The following METAP2 variants were observed in gnomAD, a reference collection of about 807,000 sequenced individuals.
METAP2 encodes the protein methionine aminopeptidase 2.
In METAP2, 25 loss-of-function variants were observed where a neutral mutation model predicts 59.4. The ratio of observed to expected loss-of-function variants is 0.42; its 90% CI spans 0.31 to 0.59. The LOEUF is 0.59. Ranked by LOEUF, METAP2 falls within the 20% of genes least tolerant of loss-of-function variation. The pLI, the probability that METAP2 is intolerant of heterozygous loss-of-function variation, is 0.16. For synonymous variants in METAP2, 214 were observed against 194.1 expected (o/e 1.10, Z -0.85); for missense variants, 366 against 581.2 (o/e 0.63, Z 3.81).
At chr12:95,481,205 C>T (rs1000727875) in intron 2 of METAP2, among the ~76,000 whole-genome samples, 5 of 152,060 alleles carry the variant, frequency 3.3e-5, no homozygotes, top group Non-Finnish European at 5.9e-5. Context: ...GGCTGAGATG[C>T]GATTCGAGAC....
chr12:95,480,734 T>C (rs2076152669), intron 2 of METAP2, among the ~76,000 whole-genome samples: 1 of 152,248 alleles, frequency 6.6e-6, no homozygotes, highest in African/African-American at 2.4e-5. Context: ...AATAGTTCAT[T>C]GTATATTCTG....
chr12:95,511,484 C>T (rs557469485), intron 8 of METAP2, among the ~76,000 whole-genome samples: 16 of 148,930 alleles, frequency 1.1e-4, no homozygotes, highest in African/African-American at 3.2e-4. Context: ...CTCCGCTTCC[C>T]GGGTTCAAGT....
Position 95,474,159 on chromosome 12 carries a change from C to T in METAP2, c.-21C>T, listed in dbSNP as rs190910381. 4.5e-3 allele frequency: 7,227 copies of T among 1,612,586 alleles called. 24 individuals carry two copies. Among genetic ancestry groups the T allele is most frequent in the Non-Finnish European group, 4.5e-3 (5,326 of 1,179,342 alleles). On this transcript the variant is annotated 5_prime_UTR_variant, in exon 1 of 11. Transcript: ENST00000323666. ...GGGCCCTCGCCGCTCTGTCTCATTC[C>T]CTCGCGCTCTCTCGGGCAACATGGC...
chr12:95,488,131 C>G (rs529123199), intron 4 of METAP2, among the ~76,000 whole-genome samples: 1 of 152,084 alleles, frequency 6.6e-6, no homozygotes, highest in Non-Finnish European at 1.5e-5. Flanking sequence ...ATCTTTTGAT[C>G]GTAGGCTTTA....
intron 2 of METAP2, among the ~76,000 whole-genome samples, chr12:95,479,754 G>C (rs1594410861): frequency 6.6e-6 from 1 of 151,888 alleles, no homozygotes; most frequent in Non-Finnish European, 1.5e-5. Context: ...GATTACAGGT[G>C]CCCGCCACCA....
chr12:95,483,358 C>A, intron 3 of METAP2, 78 bp downstream of exon 3: 1 of 1,098,098 alleles, frequency 9.1e-7, no homozygotes, highest in Non-Finnish European at 1.4e-6. Flanking sequence ...CACCTGTGAT[C>A]CCAGCTACTC....
rs150352136 is a variant in METAP2 at position 95,495,316 on chromosome 12, A to G, written c.772+178A>G. Among the ~76,000 whole-genome samples the G allele has an allele frequency of 1.2e-3, 181 of 152,242 alleles. 1 individual carries two copies. The highest frequency in any genetic ancestry group is 3.9e-3 in the African/African-American group (161 of 41,560). On this transcript the variant is annotated intron_variant, in intron 6 of 10. Coordinates refer to ENST00000323666, the MANE Select transcript of METAP2 (RefSeq NM_006838.4). Reference sequence around the variant, plus strand: ...ATTTTAGTGCACTTATAGGAGAGAGAGGCAGTTGTGACATTTACTTGAAAG... The same window carrying G: ...ATTTTAGTGCACTTATAGGAGAGAGGGGCAGTTGTGACATTTACTTGAAAG...
At chr12:95,483,520 G>A (rs1320873698) in intron 3 of METAP2, 1 of 371,646 alleles carries the variant, frequency 2.7e-6, no homozygotes, top group African/African-American at 2.1e-5. Flanking sequence ...TCACTGACAG[G>A]TTTGAAGAGT....
intron 4 of METAP2, among the ~76,000 whole-genome samples, chr12:95,490,130 C>T (rs112368401): frequency 0.088 from 13,075 of 147,772 alleles, 812 homozygotes; most frequent in African/African-American, 0.17. Flanking sequence ...GAGACAAGGT[C>T]TCACTCTGTC....
At chr12:95,512,947 C>A in intron 10 of METAP2, 31 bp downstream of exon 10, 1 of 1,257,548 alleles carries the variant, frequency 8.0e-7, no homozygotes, top group South Asian at 1.2e-5. Context: ...TTTTATGTGG[C>A]TAATTAGCAT....
At chr12:95,480,342 G>A (rs1458259344) in intron 2 of METAP2, among the ~76,000 whole-genome samples, 1 of 152,152 alleles carries the variant, frequency 6.6e-6, no homozygotes, top group Non-Finnish European at 1.5e-5. Context: ...ATGAACATTT[G>A]CATATGGGTC....
In METAP2 at chr12:95,504,075, T is replaced by C; in HGVS notation, c.878T>C (p.Ile293Thr). The C allele has an allele frequency of 6.2e-7, 1 of 1,612,902 alleles. No individual in the cohort carries two copies. Among genetic ancestry groups the C allele is most frequent in the Non-Finnish European group, 8.5e-7 (1 of 1,179,506 alleles). Residue 293 changes from isoleucine to threonine, a missense_variant, in exon 8 of 11, where the codon ATT becomes ACT. Coordinates refer to ENST00000323666, the MANE Select transcript of METAP2 (RefSeq NM_006838.4). ...ATNTGIKCAGIDVRLCDVGEA... is the reference protein window; with the variant it reads ...ATNTGIKCAGTDVRLCDVGEA... ...TTACTCTTTTTTTAGTGTGCTGGAA[T>C]TGATGTTCGTCTGTGTGATGTTGGT...
At chr12:95,493,433 A>C (rs562586523) in intron 4 of METAP2, among the ~76,000 whole-genome samples, 6 of 152,354 alleles carry the variant, frequency 3.9e-5, no homozygotes, top group African/African-American at 1.2e-4. Context: ...CTATGATCAC[A>C]TCACTGCATC....
chr12:95,494,269 A>C (rs564385859), intron 5 of METAP2, 52 bp downstream of exon 5: 76 of 1,506,738 alleles, frequency 5.0e-5, no homozygotes, highest in Non-Finnish European at 6.7e-5. Context: ...TTTATTAAGT[A>C]CTAACTCTCC....
intron 8 of METAP2, among the ~76,000 whole-genome samples, chr12:95,511,268 C>A (rs1046413943): frequency 2.0e-5 from 3 of 151,330 alleles, no homozygotes; most frequent in African/African-American, 7.3e-5. Context: ...TTTTATGTTT[C>A]TAATAATTTG....
At chr12:95,494,667 C>T (rs2076264047) in intron 5 of METAP2, among the ~76,000 whole-genome samples, 1 of 151,358 alleles carries the variant, frequency 6.6e-6, no homozygotes, top group South Asian at 2.1e-4. Context: ...CAAATAAGAT[C>T]AGCATTTAAA....
chr12:95,494,908 A>C, intron 5 of METAP2, 49 bp from the exon 6 acceptor site: 1 of 1,497,476 alleles, frequency 6.7e-7, no homozygotes, highest in East Asian at 2.3e-5. Context: ...TTAATATATA[A>C]AAGTAAGAAT....
chr12:95,495,238 T>C, intron 6 of METAP2, 100 bp downstream of exon 6: 1 of 994,826 alleles, frequency 1.0e-6, no homozygotes, highest in East Asian at 2.5e-5. Flanking sequence ...CAAATTTTGT[T>C]CTTGCTTCCT....
chr12:95,474,325 C>A lies in METAP2; in HGVS notation c.146C>A (p.Ser49Tyr), dbSNP rs199968706. The A allele has an allele frequency of 7.4e-6, 12 of 1,613,858 alleles. No homozygotes were observed. The highest frequency in any genetic ancestry group is 1.0e-5 in the Non-Finnish European group (12 of 1,179,986). Residue 49 changes from serine to tyrosine, a missense_variant, in exon 1 of 11, where the codon TCT becomes TAT. By Grantham distance (144) the Ser-to-Tyr change is moderately radical. This residue lies in a region of METAP2 where 177 missense variants were observed against 180.3 expected (regional missense o/e 0.98). Coordinates refer to ENST00000323666, the MANE Select transcript of METAP2 (RefSeq NM_006838.4). Reference protein sequence around the residue: ...RRKKKKSKGPSAAGEQEPDKE... With the variant: ...RRKKKKSKGPYAAGEQEPDKE... ...AAGAAGAAGAAGAGCAAAGGGCCTT[C>A]TGCAGGTAAAGAGAGTTTTATGTTT...
Sources: gnomAD v4.1 joint callset for allele counts (sites outside exome capture counted in the v4.1 genomes callset) on GRCh38, gnomAD v4.1.1 for gene constraint, gnomAD v4.1.1 regional missense constraint, MANE v1.5 for transcripts, NCBI Gene and HGNC (gene_info 2026-07-23, HGNC 2026-07-21) for gene names.